Variants in TTBK1 observed in about 807,000 individuals in gnomAD.
The protein encoded by TTBK1 is tau-tubulin kinase 1.
TTBK1 carries 34 observed loss-of-function variants against 108.5 expected under a neutral mutation model. The observed-to-expected ratio is 0.31, with a 90% CI of 0.24 to 0.42. The LOEUF (loss-of-function observed/expected upper bound fraction) is 0.42. Ranked by LOEUF, TTBK1 falls within the 10% of genes least tolerant of loss-of-function variation. TTBK1 has a pLI of 1.00. For missense variants in TTBK1, 1,539 were observed against 1,826.0 expected (o/e 0.84, Z 2.86); for synonymous variants, 809 against 795.1 (o/e 1.02, Z -0.29).
At chr6:43,244,752 C>T (rs1429188453) in intron 1 of TTBK1, among the ~76,000 whole-genome samples, 1 of 152,136 alleles carries the variant, frequency 6.6e-6, no homozygotes, top group African/African-American at 2.4e-5. Flanking sequence ...TCCACTGTCC[C>T]AGGACTGGAA....
intron 7 of TTBK1, 88 bp downstream of exon 7, chr6:43,255,202 G>T: frequency 1.0e-6 from 1 of 990,130 alleles, no homozygotes. Context: ...GTGGGGAGAG[G>T]AGAGTGGGGC....
At chr6:43,256,487 C>A (rs1242730404) in intron 9 of TTBK1, among the ~76,000 whole-genome samples, 1 of 151,714 alleles carries the variant, frequency 6.6e-6, no homozygotes, top group African/African-American at 2.4e-5. Flanking sequence ...ACCTGTAATC[C>A]CAGCACTTTG....
In TTBK1 at chr6:43,259,585, G is replaced by T. The variant is rs1317483946; in HGVS notation, c.1303G>T (p.Val435Leu). ...AGGCATGGGGGTCCCCAGCTCCCCA[G>T]TGCGTGCCCCCCCAGACTCCCCCAC... ...SRGMGVPSSP[V>L]RAPPDSPTTP... is the part of the protein sequence containing the mutation. The change falls in exon 12 of 15, where the codon GTG becomes TTG. Residue 435 changes from valine to leucine, a missense_variant. Around this residue, in one of 5 missense-constraint regions of TTBK1, gnomAD observed 277 missense variants for 332.4 expected, o/e 0.83. Coordinates refer to ENST00000259750, the MANE Select transcript of TTBK1 (RefSeq NM_032538.3). The surrounding 1 kb of genome is among the most constrained non-coding windows in gnomAD (Gnocchi z 6.7). The T allele has an allele frequency of 6.2e-7, 1 of 1,610,746 alleles. No individual in the cohort carries two copies. Among genetic ancestry groups the T allele is most frequent in the East Asian group, 2.2e-5 (1 of 44,780 alleles).
At chr6:43,254,946 A>C in intron 6 of TTBK1, 103 bp from the exon 7 acceptor site, 3 of 1,122,606 alleles carry the variant, frequency 2.7e-6, no homozygotes, top group South Asian at 1.2e-5. Context: ...CTCCCCAGCC[A>C]GGGGAGGTGG....
In TTBK1 at chr6:43,286,477, CTGTG is replaced by C. The variant is rs951144408; in HGVS notation, c.*1102_*1105del. 2.6e-5 allele frequency: 4 copies of C among 152,670 alleles called. No individual in the cohort carries two copies. Among genetic ancestry groups the C allele is most frequent in the Non-Finnish European group, 5.9e-5 (4 of 68,072 alleles). 9.5% of individuals were successfully genotyped at this position (152,670 alleles called of 1,614,324 possible). ...GGGGTCACCCTCCCTGTCCTCCCGC[CTGTG>C]GGAGGGAGGGAGGGCTGGCTCAGGC... On this transcript the variant is annotated 3_prime_UTR_variant, in exon 15 of 15. Coordinates refer to ENST00000259750, the MANE Select transcript of TTBK1 (RefSeq NM_032538.3). The surrounding 1 kb of genome is among the most constrained non-coding windows in gnomAD (Gnocchi z 4.6).
At position 43,285,510 on chromosome 6, in the gene TTBK1, A is replaced by C. The variant is rs530432867; in HGVS notation, c.*134A>C. ...CCCGCGGCCCCAGCTTTCCGCCTGC[A>C]CCCGCGAGGACGCGCGCGAGCACAC... On this transcript the variant is annotated 3_prime_UTR_variant, in exon 15 of 15. Coordinates refer to ENST00000259750, the MANE Select transcript of TTBK1 (RefSeq NM_032538.3). The surrounding 1 kb of genome is among the most constrained non-coding windows in gnomAD (Gnocchi z 4.7). 8.7e-7 allele frequency: 1 copy of C among 1,146,098 alleles called. No individual in the cohort carries two copies. Among genetic ancestry groups the C allele is most frequent in the African/African-American group, 1.6e-5 (1 of 61,718 alleles). 71.0% of individuals were successfully genotyped at this position (1,146,098 alleles called of 1,614,324 possible).
chr6:43,285,179 A>G lies in TTBK1; in HGVS notation c.3769A>G (p.Arg1257Gly). 4 of 1,379,048 alleles carry G rather than the reference A, an allele frequency of 2.9e-6. No individual in the cohort carries two copies. Among genetic ancestry groups the G allele is most frequent in the Non-Finnish European group, 3.7e-6 (4 of 1,073,580 alleles). 85.4% of individuals were successfully genotyped at this position (1,379,048 alleles called of 1,614,324 possible). ...ASPRSQSLSR[R>G]ESPSPSHQAR... The stretch of plus-strand genomic sequence containing the variant: ...CCCCCGGAGCCAGTCCCTGTCCCGC[A>G]GAGAGAGCCCCTCCCCCTCGCACCA... The change falls in exon 15 of 15, where the codon AGA becomes GGA. Residue 1257 changes from arginine to glycine, a missense_variant. Physicochemically the swap from Arg to Gly is moderately radical, Grantham distance 125. Coordinates refer to ENST00000259750, the MANE Select transcript of TTBK1 (RefSeq NM_032538.3). This position sits in a 1 kb window ranked among gnomAD's most constrained non-coding sequence, Gnocchi z 4.7.
intron 13 of TTBK1, among the ~76,000 whole-genome samples, chr6:43,267,097 T>C (rs924539813): frequency 6.6e-6 from 1 of 151,786 alleles, no homozygotes; most frequent in Non-Finnish European, 1.5e-5. Flanking sequence ...GGTGTGCCTG[T>C]GGCCATGTCA....
Position 43,263,213 on chromosome 6 carries a change from C to A in TTBK1, c.1849C>A (p.Pro617Thr). 1 of 1,578,682 alleles carries A rather than the reference C, an allele frequency of 6.3e-7. No homozygotes were observed. The highest frequency in any genetic ancestry group is 1.2e-5 in the South Asian group (1 of 86,442). ...DLQHLPPQPL[P>T]PQLSQGDGRS... ...GCAGCATTTGCCGCCCCAGCCCCTG[C>A]CACCCCAGCTGAGCCAGGGCGATGG... Residue 617 changes from proline (P) to threonine (T), a missense_variant, in exon 13 of 15, where the codon CCA becomes ACA. Around this residue, in one of 5 missense-constraint regions of TTBK1, gnomAD observed 1,055 missense variants for 1,086.5 expected, o/e 0.97. Coordinates refer to ENST00000259750, the MANE Select transcript of TTBK1 (RefSeq NM_032538.3). The surrounding 1 kb of genome is among the most constrained non-coding windows in gnomAD (Gnocchi z 4.7).
chr6:43,252,182 CTG>C (rs58985204), intron 2 of TTBK1, among the ~76,000 whole-genome samples: 7,518 of 139,872 alleles, frequency 0.054, 176 homozygotes, highest in Non-Finnish European at 0.06. Flanking sequence ...ACATCTGGCT[CTG>C]TGTGTGTGTG....
At position 43,259,772 on chromosome 6, in the gene TTBK1, G is replaced by A; in HGVS notation, c.1424+66G>A. ...TCTCCGCCTTCACGTGGCTGGTCTG[G>A]AGGAAAAGTTAGATGTGTGGCGGAG... On this transcript the variant is annotated intron_variant, in intron 12 of 14. Coordinates refer to ENST00000259750, the MANE Select transcript of TTBK1 (RefSeq NM_032538.3). This position sits in a 1 kb window ranked among gnomAD's most constrained non-coding sequence, Gnocchi z 6.7. The A allele has an allele frequency of 6.9e-7, 1 of 1,440,146 alleles. No individual in the cohort carries two copies. The allele number at this position is 1,440,146 out of a possible 1,614,324, so 89.2% of individuals were successfully genotyped here.
chr6:43,283,846 A>C lies in TTBK1; in HGVS notation c.3106A>C (p.Lys1036Gln), dbSNP rs1464225582. The change falls in exon 14 of 15, where the codon AAA becomes CAA. Residue 1036 changes from lysine to glutamine, a missense_variant. Lys to Gln is a moderately conservative substitution (Grantham distance 53, BLOSUM62 1). This residue lies in a region of TTBK1 where 1,055 missense variants were observed against 1,086.5 expected (regional missense o/e 0.97). Transcript: ENST00000259750. The surrounding 1 kb of genome is among the most constrained non-coding windows in gnomAD (Gnocchi z 8.1). ...PVSPLEPSPEKVATISPRRHA... is the reference protein window; with the variant it reads ...PVSPLEPSPEQVATISPRRHA... Reference sequence around the variant, plus strand: ...GTCCCCGCTGGAGCCAAGCCCTGAGAAAGTGGCCACCATCTCCCCCAGACG... The same window carrying C: ...GTCCCCGCTGGAGCCAAGCCCTGAGCAAGTGGCCACCATCTCCCCCAGACG... 1 of 1,610,028 alleles carries C rather than the reference A, an allele frequency of 6.2e-7. No individual in the cohort carries two copies. Among genetic ancestry groups the C allele is most frequent in the South Asian group, 1.1e-5 (1 of 90,846 alleles).
Position 43,285,125 on chromosome 6 carries a change from A to T in TTBK1, c.3715A>T (p.Thr1239Ser). 6.9e-7 allele frequency: 1 copy of T among 1,459,536 alleles called. No individual in the cohort carries two copies. Among genetic ancestry groups the T allele is most frequent in the Admixed American group, 2.7e-5 (1 of 37,522 alleles). 90.4% of individuals were successfully genotyped at this position (1,459,536 alleles called of 1,614,324 possible). ...GCGCAGCCCGCGCCTCCCCGCGTCC[A>T]CATCCGCCGCGCGCAATGCCAGCGC... ...APRSPRLPAS[T>S]SAARNASASP... The change falls in exon 15 of 15, where the codon ACA becomes TCA. Residue 1239 changes from threonine to serine, a missense_variant. Thr to Ser is a moderately conservative substitution (Grantham distance 58, BLOSUM62 1). This residue lies in a region of TTBK1 where 1,055 missense variants were observed against 1,086.5 expected (regional missense o/e 0.97). Transcript: ENST00000259750. This position sits in a 1 kb window ranked among gnomAD's most constrained non-coding sequence, Gnocchi z 4.7.
Position 43,254,621 on chromosome 6 carries a change from G to A in TTBK1, c.546G>A (p.Gln182=). 1 of 1,590,630 alleles carries A rather than the reference G, an allele frequency of 6.3e-7. No individual in the cohort carries two copies. Among genetic ancestry groups the A allele is most frequent in the Non-Finnish European group, 8.5e-7 (1 of 1,170,206 alleles). ...TGCTGGACTTCGGGCTGGCCCGGCA[G>A]TACACCAACACCACGGGGGATGTGC... The part of the protein sequence containing the change: ...CYMLDFGLAR[Q]YTNTTGDVRP... The change falls in exon 6 of 15, where the codon CAG becomes CAA. Residue 182 remains glutamine, a synonymous_variant. Transcript: ENST00000259750.
At chr6:43,261,632 T>A (rs1777541269) in intron 12 of TTBK1, among the ~76,000 whole-genome samples, 1 of 151,930 alleles carries the variant, frequency 6.6e-6, no homozygotes, top group Non-Finnish European at 1.5e-5. Flanking sequence ...CTGGCCAACA[T>A]GGTGAAACCC....
rs778398214 is a variant in TTBK1, at chr6:43,259,307, TC to T, written c.1248+39del. The T allele has an allele frequency of 3.4e-6, 5 of 1,489,592 alleles. No individual in the cohort carries two copies. Among genetic ancestry groups the T allele is most frequent in the Non-Finnish European group, 3.6e-6 (4 of 1,105,774 alleles). The allele number at this position is 1,489,592 out of a possible 1,614,324, so 92.3% of individuals were successfully genotyped here. ...AGGGCGAAGGGCGTGGGTGGCCTTT[TC>T]TCTCACCCCCGATTCCCAGCCTTGT... On this transcript the variant is annotated intron_variant, in intron 11 of 14. Coordinates refer to ENST00000259750, the MANE Select transcript of TTBK1 (RefSeq NM_032538.3). The surrounding 1 kb of genome is among the most constrained non-coding windows in gnomAD (Gnocchi z 6.7).
chr6:43,283,212 T>C lies in TTBK1; in HGVS notation c.2472T>C (p.Asp824=), dbSNP rs368729388. The C allele has an allele frequency of 6.4e-7, 1 of 1,551,634 alleles. No homozygotes were observed. The highest frequency in any genetic ancestry group is 8.7e-7 in the Non-Finnish European group (1 of 1,148,022). ...KESRGRASMA[D]GDLEPEEGSK... is the part of the protein sequence containing the mutation. Reference sequence around the variant, plus strand: ...CCAGGGGCCGGGCCTCCATGGCCGATGGGGACCTGGAGCCTGAGGAGGGCT... The same window carrying C: ...CCAGGGGCCGGGCCTCCATGGCCGACGGGGACCTGGAGCCTGAGGAGGGCT... The change falls in exon 14 of 15, where the codon GAT becomes GAC. Residue 824 remains aspartate (D), a synonymous_variant. Coordinates refer to ENST00000259750, the MANE Select transcript of TTBK1 (RefSeq NM_032538.3). The surrounding 1 kb of genome is among the most constrained non-coding windows in gnomAD (Gnocchi z 8.1).
chr6:43,281,348 C>T (rs1778155416), intron 13 of TTBK1, among the ~76,000 whole-genome samples: 1 of 149,794 alleles, frequency 6.7e-6, no homozygotes, highest in South Asian at 2.1e-4. Context: ...TGCACTCCAG[C>T]CTGGGCGACA....
chr6:43,253,408 G>A lies in TTBK1; in HGVS notation c.330+44G>A. ...TCCTCGCTCCCCTCTCTAAGAGCTT[G>A]GGCTGTGACTCCAGGGTAGGGGAAG... On this transcript the variant is annotated intron_variant, in intron 4 of 14. Transcript: ENST00000259750. This position sits in a 1 kb window ranked among gnomAD's most constrained non-coding sequence, Gnocchi z 5.8. 1 of 1,610,488 alleles carries A rather than the reference G, an allele frequency of 6.2e-7. No homozygotes were observed. Among genetic ancestry groups the A allele is most frequent in the Non-Finnish European group, 8.5e-7 (1 of 1,177,398 alleles).
Sources: gnomAD v4.1 joint callset for allele counts (sites outside exome capture counted in the v4.1 genomes callset) on GRCh38, gnomAD v4.1.1 for gene constraint, gnomAD v4.1.1 regional missense constraint, Gnocchi (gnomAD v3.1) non-coding constraint, MANE v1.5 for transcripts, NCBI Gene and HGNC (gene_info 2026-07-23, HGNC 2026-07-21) for gene names.